Variants in DST observed in about 807,000 individuals in gnomAD.
DST encodes dystonin, also known as bullous pemphigoid antigen.
Under a neutral mutation model 875.2 loss-of-function variants are expected in DST, and 253 were observed. The ratio of observed to expected loss-of-function variants is 0.29; its 90% confidence interval spans 0.26 to 0.32. DST has a LOEUF of 0.32. Among genes scored for constraint, DST ranks in the 10% least tolerant of loss-of-function variants. The probability of loss-of-function intolerance (pLI) is 1.00; values close to 1 mark genes in which losing one functional copy is unlikely to be tolerated. For missense variants in DST, 8,287 were observed against 9,111.6 expected, an observed-to-expected ratio of 0.91 and a Z score of 3.68; for synonymous variants, 3,124 against 3,197.1, an observed-to-expected ratio of 0.98 and a Z score of 0.77.
intron 3 of DST, among the ~76,000 whole-genome samples, chr6:56,853,431 G>A (rs1766284046): frequency 6.6e-6 from 1 of 152,116 alleles, no homozygotes; most frequent in Non-Finnish European, 1.5e-5. Context: ...CTGCATAAAA[G>A]GGTGACATTC....
At position 56,787,077 on chromosome 6, in the gene DST, T is replaced by C. The variant is rs188461614; in HGVS notation, c.626-51788A>G. On this transcript the variant is annotated intron_variant, in intron 4 of 103. Transcript: ENST00000680361. ...ATAATTTCATTTCACAATAACCCTA[T>C]GAAGTAGGTACAATCAATGTTCTCA... Among the ~76,000 whole-genome samples, 28 of 152,288 alleles carry C rather than the reference T, an allele frequency of 1.8e-4. No homozygotes were observed. The East Asian group carries it at 4.1e-3, about 22-fold the overall frequency.
chr6:56,636,364 G>GTA lies in DST; in HGVS notation c.3060+191_3060+192dup, dbSNP rs201647475. On this transcript the variant is annotated intron_variant, in intron 23 of 103. Coordinates refer to ENST00000680361, the MANE Select transcript of DST (RefSeq NM_001374736.1). ...TATGTATGTGTATATATATGTGTGT[G>GTA]TATATATATACACACATATATGTGT... is the stretch of plus-strand genomic sequence containing the variant. Among the ~76,000 whole-genome samples, 1,430 of 148,162 alleles carry GTA rather than the reference G, an allele frequency of 9.7e-3. 21 individuals are homozygous for GTA. The highest frequency in any genetic ancestry group is 0.033 in the African/African-American group (1,336 of 40,006).
intron 34 of DST, 98 bp from the exon 35 acceptor site, chr6:56,625,362 T>C (rs1237481028): frequency 1.3e-6 from 1 of 798,944 alleles, no homozygotes; most frequent in African/African-American, 1.7e-5. Flanking sequence ...CTAGATTCAC[T>C]AAAATAACTT....
chr6:56,497,324 T>C (rs1562370850), intron 82 of DST, 55 bp downstream of exon 82: 1 of 1,587,880 alleles, frequency 6.3e-7, no homozygotes, highest in East Asian at 2.3e-5. Flanking sequence ...AGGGCCCATA[T>C]AACATGGTCA....
At chr6:56,789,628 G>A (rs1397884895) in intron 4 of DST, among the ~76,000 whole-genome samples, 10 of 152,188 alleles carry the variant, frequency 6.6e-5, no homozygotes, top group African/African-American at 2.4e-4. Context: ...CAGCCCCTGG[G>A]AACTACCACT....
At chr6:56,790,354 A>G (rs2099717352) in intron 4 of DST, among the ~76,000 whole-genome samples, 1 of 152,188 alleles carries the variant, frequency 6.6e-6, no homozygotes, top group African/African-American at 2.4e-5. Flanking sequence ...AGTTTGAATG[A>G]GCCAAGCCAA....
intron 15 of DST, among the ~76,000 whole-genome samples, chr6:56,645,502 A>G (rs145287602): frequency 6.6e-6 from 1 of 152,352 alleles, no homozygotes; most frequent in East Asian, 1.9e-4. Context: ...AGAGAACTAT[A>G]GCAAAAAAAT....
chr6:56,934,294 G>A (rs1811722573), intron 2 of DST, among the ~76,000 whole-genome samples: 1 of 151,766 alleles, frequency 6.6e-6, no homozygotes, highest in South Asian at 2.1e-4. Context: ...AGGGCTAATA[G>A]AATCTGCCCA....
At chr6:56,938,104 CTCTCTATA>C (rs1426409949) in intron 2 of DST, among the ~76,000 whole-genome samples, 173 of 57,432 alleles carry the variant, frequency 3.0e-3, no homozygotes, top group Middle Eastern at 8.6e-3. Context: ...CTCTCTCTCT[CTCTCTATA>C]TATATATATA....
chr6:56,809,812 T>C (rs964874973), intron 4 of DST, among the ~76,000 whole-genome samples: 2 of 152,216 alleles, frequency 1.3e-5, no homozygotes, highest in Non-Finnish European at 2.9e-5. Flanking sequence ...GGTATAACTT[T>C]TAAATAAACT....
At chr6:56,575,717 G>T (rs946431624) in intron 50 of DST, among the ~76,000 whole-genome samples, 2 of 152,120 alleles carry the variant, frequency 1.3e-5, no homozygotes, top group Non-Finnish European at 1.5e-5. Flanking sequence ...TTGACATAGA[G>T]TTCCTAAAAC....
intron 4 of DST, among the ~76,000 whole-genome samples, chr6:56,749,564 G>GA (rs1005130774): frequency 4.6e-5 from 7 of 152,104 alleles, no homozygotes; most frequent in African/African-American, 1.7e-4. Flanking sequence ...CATTTTTCAT[G>GA]AAAAAAAGTG....
At position 56,536,893 on chromosome 6, in the gene DST, A is replaced by G. The variant is rs912722502; in HGVS notation, c.16656T>C (p.Asp5552=). The part of the protein sequence containing the change: ...EIEPLQGKQQ[D]VNWLGQGLIQ... ...TAAGGCCTTGACCTAACCAGTTTAC[A>G]TCTTGCTGTTTACCTTGCAAGGGTT... The change falls in exon 62 of 104, where the codon GAT becomes GAC. Residue 5552 remains aspartate (D), a synonymous_variant. Transcript: ENST00000680361. 1.9e-5 allele frequency: 31 copies of G among 1,613,812 alleles called. No individual in the cohort carries two copies. Among genetic ancestry groups the G allele is most frequent in the South Asian group, 3.3e-5 (3 of 91,070 alleles).
In DST at chr6:56,458,059, ATAAAT is replaced by A. The variant is rs2094156133; in HGVS notation, c.*941_*945del. ...TTTCTATAGTATGTGAGTACACATA[ATAAAT>A]TAAAATGTATATATTTATTAAATAT... is the stretch of plus-strand genomic sequence containing the variant. On this transcript the variant is annotated 3_prime_UTR_variant, in exon 104 of 104. Coordinates refer to ENST00000680361, the MANE Select transcript of DST (RefSeq NM_001374736.1). The A allele has an allele frequency of 6.6e-6, 1 of 152,452 alleles. No homozygotes were observed. The highest frequency in any genetic ancestry group is 1.5e-5 in the Non-Finnish European group (1 of 68,016). The allele number at this position is 152,452 out of a possible 1,614,324, so 9.4% of individuals were successfully genotyped here. A position where few individuals can be genotyped will look rare whatever the true frequency, so the allele number is the denominator to read the frequency against.
chr6:56,952,303 T>C (rs961790328), intron 2 of DST, among the ~76,000 whole-genome samples: 2 of 152,238 alleles, frequency 1.3e-5, no homozygotes, highest in African/African-American at 4.8e-5. Context: ...TGATGGCTAG[T>C]ATAATAATCC....
At chr6:56,843,291 G>T in intron 4 of DST, 4 of 1,244,610 alleles carry the variant, frequency 3.2e-6, no homozygotes, top group Non-Finnish European at 4.0e-6. Flanking sequence ...AGCCGAAGAC[G>T]CAGAGCGGGG....
intron 5 of DST, among the ~76,000 whole-genome samples, chr6:56,720,942 C>A (rs1043442046): frequency 1.3e-5 from 2 of 151,818 alleles, no homozygotes; most frequent in African/African-American, 2.4e-5. Context: ...GGCAGAGGGG[C>A]CCCCCACCCC....
At chr6:56,753,876 T>C (rs1444259896) in intron 4 of DST, among the ~76,000 whole-genome samples, 1 of 152,196 alleles carries the variant, frequency 6.6e-6, no homozygotes, top group Non-Finnish European at 1.5e-5. Flanking sequence ...AACTAGACAC[T>C]TGTTCATAGT....
At chr6:56,781,507 G>T (rs2099693884) in intron 4 of DST, among the ~76,000 whole-genome samples, 1 of 152,150 alleles carries the variant, frequency 6.6e-6, no homozygotes, top group African/African-American at 2.4e-5. Flanking sequence ...GTTCACTCAT[G>T]ATTTGGCTCT....
Sources: gnomAD v4.1 joint callset for allele counts (sites outside exome capture counted in the v4.1 genomes callset) on GRCh38, gnomAD v4.1.1 for gene constraint, MANE v1.5 for transcripts, NCBI Gene and HGNC (gene_info 2026-07-23, HGNC 2026-07-21) for gene names.